C1orf141: variants seen among roughly 807,000 people sequenced by gnomAD.
C1orf141 encodes the protein uncharacterized protein C1orf141.
Under a neutral mutation model 23.2 loss-of-function variants are expected in C1orf141, and 19 were observed. The observed-to-expected ratio is 0.82, with a 90% confidence interval of 0.57 to 1.20. The LOEUF is 1.20. Ranked by LOEUF, C1orf141 falls within the 50% of genes most tolerant of loss-of-function variation. The probability of loss-of-function intolerance (pLI) is 0.00; values close to 1 mark genes in which losing one functional copy is unlikely to be tolerated. For missense variants in C1orf141, 469 were observed against 455.1 expected (o/e 1.03, Z -0.28); for synonymous variants, 153 against 154.6 (o/e 0.99, Z 0.08).
At chr1:67,134,520 C>A (rs1325536169) in intron 1 of C1orf141, among the ~76,000 whole-genome samples, 1 of 152,156 alleles carries the variant, frequency 6.6e-6, no homozygotes, top group East Asian at 1.9e-4. Flanking sequence ...ATTAAGCGGC[C>A]CCCAGAGCCT....
intron 4 of C1orf141, chr1:67,122,484 C>G (rs1020803286): frequency 6.6e-6 from 1 of 152,160 alleles, no homozygotes; most frequent in African/African-American, 2.4e-5. Flanking sequence ...CAGAAAAGAA[C>G]TGAGAACTGT....
chr1:67,108,906 C>T (rs934966074), intron 5 of C1orf141, among the ~76,000 whole-genome samples: 1 of 151,926 alleles, frequency 6.6e-6, no homozygotes, highest in Non-Finnish European at 1.5e-5. Flanking sequence ...GAAAGAATGG[C>T]CATAATTTAA....
At chr1:67,102,257 CAGAG>C (rs1481416683) in intron 5 of C1orf141, among the ~76,000 whole-genome samples, 6 of 151,324 alleles carry the variant, frequency 4.0e-5, no homozygotes, top group Non-Finnish European at 8.8e-5. Context: ...ATTCAACTGA[CAGAG>C]AGAAAGAGAG....
In C1orf141 at chr1:67,125,701, A is replaced by G. The variant is rs1444758970; in HGVS notation, c.233+51T>C. Reference sequence around the variant, plus strand: ...GCAATGAGTGAGTCCTTGTTTCACAAACAAACAAACAAATTCTGAACTGAA... The same window carrying G: ...GCAATGAGTGAGTCCTTGTTTCACAGACAAACAAACAAATTCTGAACTGAA... On this transcript the variant is annotated intron_variant, in intron 4 of 7. Transcript: ENST00000684719. 13 of 1,539,350 alleles carry G rather than the reference A, an allele frequency of 8.4e-6. No homozygotes were observed. The East Asian group carries it at 2.9e-4, about 35-fold the overall frequency.
At chr1:67,118,356 C>T (rs1451138719) in intron 4 of C1orf141, among the ~76,000 whole-genome samples, 1 of 152,050 alleles carries the variant, frequency 6.6e-6, no homozygotes, top group Non-Finnish European at 1.5e-5. Flanking sequence ...GTGGCTTTTT[C>T]CTCTTTTCTC....
chr1:67,093,607 G>A lies in C1orf141; in HGVS notation c.604-3C>T. 2 of 1,526,978 alleles carry A rather than the reference G, an allele frequency of 1.3e-6. No individual in the cohort carries two copies. Among genetic ancestry groups the A allele is most frequent in the East Asian group, 2.3e-5 (1 of 43,764 alleles). The allele number at this position is 1,526,978 out of a possible 1,614,324, so 94.6% of individuals were successfully genotyped here. Reference sequence around the variant, plus strand: ...ATGGGATTTGTGTCCTTTTGTTCCTGTAGATTAAAGAAAAGAATAATTAGT... The same window carrying A: ...ATGGGATTTGTGTCCTTTTGTTCCTATAGATTAAAGAAAAGAATAATTAGT... On this transcript the variant is annotated splice_region_variant and splice_polypyrimidine_tract_variant and intron_variant, in intron 7 of 7. Transcript: ENST00000684719.
At chr1:67,100,438 T>G (rs1281285007) in intron 5 of C1orf141, among the ~76,000 whole-genome samples, 1 of 152,244 alleles carries the variant, frequency 6.6e-6, no homozygotes, top group Non-Finnish European at 1.5e-5. Context: ...AAAATATTTT[T>G]AAATTCTGGT....
chr1:67,122,344 T>C (rs932011088), intron 4 of C1orf141: 1 of 152,148 alleles, frequency 6.6e-6, no homozygotes, highest in Non-Finnish European at 1.5e-5. Flanking sequence ...GGCTGCTTTA[T>C]GTTTTTATGT....
intron 4 of C1orf141, among the ~76,000 whole-genome samples, chr1:67,115,795 C>A (rs1463322765): frequency 6.6e-6 from 1 of 152,100 alleles, no homozygotes; most frequent in Admixed American, 6.6e-5. Context: ...ATTACTGGAC[C>A]TGAATCAAAG....
upstream of C1orf141, among the ~76,000 whole-genome samples, chr1:67,137,541 C>T (rs1005169667): frequency 6.6e-6 from 1 of 152,186 alleles, no homozygotes; most frequent in Non-Finnish European, 1.5e-5. Flanking sequence ...ATGGATACCA[C>T]GTGACCCAAA....
intron 5 of C1orf141, among the ~76,000 whole-genome samples, chr1:67,098,271 A>C (rs1645727992): frequency 6.6e-6 from 1 of 152,200 alleles, no homozygotes; most frequent in African/African-American, 2.4e-5. Flanking sequence ...CTATAATCCC[A>C]GCGCTTTAAG....
intron 3 of C1orf141, among the ~76,000 whole-genome samples, chr1:67,126,131 C>T (rs889793950): frequency 6.6e-6 from 1 of 151,958 alleles, no homozygotes; most frequent in African/African-American, 2.4e-5. Flanking sequence ...CTTTTCCCAT[C>T]TGTAAAATGT....
At chr1:67,138,440 T>C (rs762431747), upstream of C1orf141, among the ~76,000 whole-genome samples, 1 of 152,218 alleles carries the variant, frequency 6.6e-6, no homozygotes, top group African/African-American at 2.4e-5. Context: ...AAACATTCCC[T>C]TCCCTTGGCT....
At chr1:67,108,400 C>T (rs1645983882) in intron 5 of C1orf141, among the ~76,000 whole-genome samples, 1 of 152,130 alleles carries the variant, frequency 6.6e-6, no homozygotes, top group South Asian at 2.1e-4. Context: ...CTAATCACCT[C>T]CTAAAGGCAT....
intron 5 of C1orf141, among the ~76,000 whole-genome samples, chr1:67,099,259 T>C (rs1367944565): frequency 2.0e-5 from 3 of 152,180 alleles, no homozygotes; most frequent in East Asian, 1.9e-4. Flanking sequence ...AATTGGACCA[T>C]GAACAGAATT....
chr1:67,104,770 A>G (rs541295744), intron 5 of C1orf141, among the ~76,000 whole-genome samples: 1 of 152,314 alleles, frequency 6.6e-6, no homozygotes, highest in South Asian at 2.1e-4. Flanking sequence ...AGCTAATCTT[A>G]CCTATGACTT....
intron 1 of C1orf141, among the ~76,000 whole-genome samples, chr1:67,133,771 C>T (rs919578795): frequency 2.6e-5 from 4 of 152,134 alleles, no homozygotes; most frequent in African/African-American, 9.7e-5. Flanking sequence ...GCAGCCACCA[C>T]CCCAAGCCAA....
intron 5 of C1orf141, among the ~76,000 whole-genome samples, chr1:67,100,022 G>A (rs988374417): frequency 6.6e-6 from 1 of 151,728 alleles, no homozygotes; most frequent in Admixed American, 6.6e-5. Context: ...CTTTAACTTT[G>A]CTTTACTGAG....
Position 67,092,243 on chromosome 1 carries a change from G to A in C1orf141, c.*762C>T, listed in dbSNP as rs1645573630. On this transcript the variant is annotated 3_prime_UTR_variant, in exon 8 of 8. Coordinates refer to ENST00000684719, the MANE Select transcript of C1orf141 (RefSeq NM_001276351.2). Reference sequence around the variant, plus strand: ...TACATTTCTGAATTCCAAACAAATGGATTACAAATAAACTTTCAAAATGCA... The same window carrying A: ...TACATTTCTGAATTCCAAACAAATGAATTACAAATAAACTTTCAAAATGCA... 6.6e-6 allele frequency: 1 copy of A among 152,106 alleles called. No homozygotes were observed. The highest frequency in any genetic ancestry group is 1.5e-5 in the Non-Finnish European group (1 of 67,990). The allele number at this position is 152,106 out of a possible 1,614,324, so 9.4% of individuals were successfully genotyped here. A position where few individuals can be genotyped will look rare whatever the true frequency, so the allele number is the denominator to read the frequency against.
Sources: gnomAD v4.1 joint callset for allele counts (sites outside exome capture counted in the v4.1 genomes callset) on GRCh38, gnomAD v4.1.1 for gene constraint, MANE v1.5 for transcripts, NCBI Gene and HGNC (gene_info 2026-07-23, HGNC 2026-07-21) for gene names.